FAM3D: variants seen among roughly 807,000 people sequenced by gnomAD.
FAM3D encodes the protein protein FAM3D.
FAM3D carries 26 observed loss-of-function variants against 29.8 expected under a neutral mutation model. The ratio of observed to expected loss-of-function variants is 0.87; its 90% confidence interval spans 0.64 to 1.21. FAM3D has a LOEUF of 1.21. Among genes scored for constraint, FAM3D ranks in the 50% most tolerant of loss-of-function variants. The probability of loss-of-function intolerance (pLI) is 0.00; values close to 1 mark genes in which losing one functional copy is unlikely to be tolerated. For synonymous variants in FAM3D, 115 were observed against 102.3 expected, an observed-to-expected ratio of 1.12 and a Z score of -0.75; for missense variants, 253 against 290.9, an observed-to-expected ratio of 0.87 and a Z score of 0.95.
In FAM3D at chr3:58,648,059, G is replaced by C. The variant is rs532111383; in HGVS notation, c.145+1256C>G. Among the ~76,000 whole-genome samples, 4 of 152,324 alleles carry C rather than the reference G, an allele frequency of 2.6e-5. No homozygotes were observed. The South Asian group carries it at 6.2e-4, about 24-fold the overall frequency. On this transcript the variant is annotated intron_variant, in intron 4 of 9. Transcript: ENST00000358781. Reference sequence around the variant, plus strand: ...CTTGGAGGGAAAGAATGCTGGGATTGATTGGTGATGTCTGCCATGGGAACA... The same window carrying C: ...CTTGGAGGGAAAGAATGCTGGGATTCATTGGTGATGTCTGCCATGGGAACA...
chr3:58,655,734 T>A (rs764360989), intron 1 of FAM3D, 133 bp from the exon 2 acceptor site: 1 of 655,940 alleles, frequency 1.5e-6, no homozygotes, highest in Non-Finnish European at 2.5e-6. Context: ...ACCTGCCATA[T>A]GAACAAGAGG....
At chr3:58,665,494 A>G (rs1404263552) in intron 1 of FAM3D, among the ~76,000 whole-genome samples, 3 of 152,114 alleles carry the variant, frequency 2.0e-5, no homozygotes, top group Non-Finnish European at 4.4e-5. Flanking sequence ...TATCTGTGCA[A>G]GTTTTCCCTT....
chr3:58,635,633 C>T lies in FAM3D; in HGVS notation c.585+661G>A, dbSNP rs575902281. The stretch of plus-strand genomic sequence containing the variant: ...CCCCACAGGACATTCGGGAACCACA[C>T]CCGGCCGCCCCCGCCCACCGGCCTC... On this transcript the variant is annotated intron_variant, in intron 9 of 9. Transcript: ENST00000358781. This position sits in a 1 kb window ranked among gnomAD's most constrained non-coding sequence, Gnocchi z 5.2. Among the ~76,000 whole-genome samples, 12 of 152,256 alleles carry T rather than the reference C, an allele frequency of 7.9e-5. No homozygotes were observed. The South Asian group carries it at 2.3e-3, about 29-fold the overall frequency.
intron 2 of FAM3D, among the ~76,000 whole-genome samples, chr3:58,654,242 C>T (rs532086119): frequency 6.6e-6 from 1 of 152,352 alleles, no homozygotes; most frequent in East Asian, 1.9e-4. Context: ...TGAGTAGGAG[C>T]TCAGCCTCTC....
At position 58,661,442 on chromosome 3, in the gene FAM3D, G is replaced by C. The variant is rs144061342; in HGVS notation, c.-39+5134C>G. Among the ~76,000 whole-genome samples, 128 of 152,332 alleles carry C rather than the reference G, an allele frequency of 8.4e-4. 1 individual carries two copies. The East Asian group carries it at 0.02, about 24-fold the overall frequency. On this transcript the variant is annotated intron_variant, in intron 1 of 9. Coordinates refer to ENST00000358781, the MANE Select transcript of FAM3D (RefSeq NM_138805.3). ...GTCAGCCACCTCTCTCCTCTCCTCA[G>C]ATAGGTTTTAGGGAGACTTTCCTCC...
chr3:58,655,863 G>T (rs1052167694), intron 1 of FAM3D, among the ~76,000 whole-genome samples: 17 of 152,144 alleles, frequency 1.1e-4, no homozygotes, highest in Non-Finnish European at 2.4e-4. Context: ...GGAAGGTGTA[G>T]TCTGGTAAGC....
intron 6 of FAM3D, among the ~76,000 whole-genome samples, chr3:58,642,558 G>C (rs1296690003): frequency 6.6e-6 from 1 of 152,170 alleles, no homozygotes; most frequent in Non-Finnish European, 1.5e-5. Flanking sequence ...CAGAGGCAGA[G>C]AGGAGGTCTG....
chr3:58,647,990 C>T (rs1474189491), intron 4 of FAM3D, among the ~76,000 whole-genome samples: 1 of 152,194 alleles, frequency 6.6e-6, no homozygotes, highest in East Asian at 1.9e-4. Context: ...ATGTGGACCT[C>T]CTGTTAAAGG....
At chr3:58,649,243 G>A in intron 4 of FAM3D, 72 bp downstream of exon 4, 1 of 1,572,124 alleles carries the variant, frequency 6.4e-7, no homozygotes, top group South Asian at 1.2e-5. Context: ...GGGCCTTGTT[G>A]CCCTAGGGCA....
At chr3:58,636,724 C>T (rs2106702595) in intron 8 of FAM3D, among the ~76,000 whole-genome samples, 1 of 152,192 alleles carries the variant, frequency 6.6e-6, no homozygotes, top group Middle Eastern at 3.4e-3. Context: ...TACAGTCTCA[C>T]CCCTCCTCCC....
chr3:58,642,160 G>A (rs2066351964), intron 6 of FAM3D, among the ~76,000 whole-genome samples: 1 of 152,142 alleles, frequency 6.6e-6, no homozygotes, highest in African/African-American at 2.4e-5. Flanking sequence ...AGCTGCAGAG[G>A]AACGGCTGCA....
Position 58,655,611 on chromosome 3 carries a change from G to C in FAM3D, c.-38-10C>G. ...TGGGGTCAGCTTCCACCTATGGAGA[G>C]AAGAAAATCCAGTCGGAAACTGGCA... On this transcript the variant is annotated splice_polypyrimidine_tract_variant and intron_variant, in intron 1 of 9. Coordinates refer to ENST00000358781, the MANE Select transcript of FAM3D (RefSeq NM_138805.3). 3.1e-6 allele frequency: 5 copies of C among 1,605,254 alleles called. No homozygotes were observed. Among genetic ancestry groups the C allele is most frequent in the Non-Finnish European group, 4.3e-6 (5 of 1,174,448 alleles).
chr3:58,655,735 G>A, intron 1 of FAM3D, 134 bp from the exon 2 acceptor site: 1 of 627,138 alleles, frequency 1.6e-6, no homozygotes, highest in Non-Finnish European at 2.6e-6. Flanking sequence ...CCTGCCATAT[G>A]AACAAGAGGG....
Position 58,634,219 on chromosome 3 carries a change from G to T in FAM3D, c.*60C>A. On this transcript the variant is annotated 3_prime_UTR_variant, in exon 10 of 10. Transcript: ENST00000358781. This position sits in a 1 kb window ranked among gnomAD's most constrained non-coding sequence, Gnocchi z 4.6. ...TCCTCCTCAGCCCCTGCCGGGCTCT[G>T]ACTCCTAAGTCAGGCAGGAGCTTCT... 2 of 1,533,282 alleles carry T rather than the reference G, an allele frequency of 1.3e-6. No homozygotes were observed. Among genetic ancestry groups the T allele is most frequent in the South Asian group, 2.3e-5 (2 of 86,560 alleles). The allele number at this position is 1,533,282 out of a possible 1,614,324, so 95.0% of individuals were successfully genotyped here.
chr3:58,663,256 T>A (rs535935057), intron 1 of FAM3D, among the ~76,000 whole-genome samples: 1 of 152,244 alleles, frequency 6.6e-6, no homozygotes, highest in East Asian at 1.9e-4. Context: ...TCTGCTGGAG[T>A]GGCTAAGTTG....
chr3:58,641,389 G>T lies in FAM3D; in HGVS notation c.323-1212C>A, dbSNP rs574152444. 2.6e-5 allele frequency among the ~76,000 whole-genome samples: 4 copies of T among 151,812 alleles called. No homozygotes were observed. In the South Asian group the frequency reaches 8.3e-4, roughly 32 times the overall value. Reference sequence around the variant, plus strand: ...AACCTCTTTTTTTTTTTTGGACAGGGTCTCTCTGCAGTCCAGGCTGGAGTG... The same window carrying T: ...AACCTCTTTTTTTTTTTTGGACAGGTTCTCTCTGCAGTCCAGGCTGGAGTG... On this transcript the variant is annotated intron_variant, in intron 6 of 9. Coordinates refer to ENST00000358781, the MANE Select transcript of FAM3D (RefSeq NM_138805.3).
intron 6 of FAM3D, among the ~76,000 whole-genome samples, chr3:58,640,800 G>A (rs1173441058): frequency 1.3e-5 from 2 of 152,220 alleles, no homozygotes; most frequent in Non-Finnish European, 2.9e-5. Flanking sequence ...GCTCTCCGCC[G>A]CTAGATGGAG....
chr3:58,656,251 C>T (rs1178733987), intron 1 of FAM3D, among the ~76,000 whole-genome samples: 5 of 152,198 alleles, frequency 3.3e-5, no homozygotes, highest in African/African-American at 9.7e-5. Flanking sequence ...TATGCATTAT[C>T]TCTTTAATCC....
chr3:58,662,233 G>A (rs1238905774), intron 1 of FAM3D, among the ~76,000 whole-genome samples: 1 of 152,242 alleles, frequency 6.6e-6, no homozygotes, highest in African/African-American at 2.4e-5. Context: ...CATGAAGCAT[G>A]AAGAGATTCA....
Sources: gnomAD v4.1 joint callset for allele counts (sites outside exome capture counted in the v4.1 genomes callset) on GRCh38, gnomAD v4.1.1 for gene constraint, Gnocchi (gnomAD v3.1) non-coding constraint, MANE v1.5 for transcripts, NCBI Gene and HGNC (gene_info 2026-07-23, HGNC 2026-07-21) for gene names.